Variants in VPS35L observed in about 807,000 individuals in gnomAD.
VPS35L encodes VPS35 endosomal protein-sorting factor-like.
In VPS35L, 83 loss-of-function variants were observed where a neutral mutation model predicts 133.0. The ratio of observed to expected loss-of-function variants is 0.62; its 90% CI spans 0.52 to 0.75. The LOEUF is 0.75. Among genes scored for constraint, VPS35L ranks in the 30% least tolerant of loss-of-function variants. VPS35L has a pLI of 0.00. For synonymous variants in VPS35L, 423 were observed against 449.9 expected, an observed-to-expected ratio of 0.94 and a Z score of 0.76; for missense variants, 1,083 against 1,206.8, an observed-to-expected ratio of 0.90 and a Z score of 1.52.
At chr16:19,600,731 A>C (rs1341947916) in intron 8 of VPS35L, among the ~76,000 whole-genome samples, 2 of 152,202 alleles carry the variant, frequency 1.3e-5, no homozygotes, top group African/African-American at 4.8e-5. Flanking sequence ...CACATAAAAG[A>C]GTGAAAAGCA....
intron 3 of VPS35L, among the ~76,000 whole-genome samples, chr16:19,570,135 A>G (rs1053123576): frequency 2.0e-5 from 3 of 151,794 alleles, no homozygotes; most frequent in South Asian, 2.1e-4. Context: ...CAGTGGTGCA[A>G]TCTCACTGCA....
chr16:19,576,181 CA>C (rs375230062), intron 5 of VPS35L, among the ~76,000 whole-genome samples: 570 of 130,594 alleles, frequency 4.4e-3, no homozygotes, highest in Non-Finnish European at 6.8e-3. Context: ...AAAAAAAAAA[CA>C]AAAAAAAAAA....
At chr16:19,638,389 C>G (rs1158420835) in intron 20 of VPS35L, among the ~76,000 whole-genome samples, 1 of 152,192 alleles carries the variant, frequency 6.6e-6, no homozygotes, top group Non-Finnish European at 1.5e-5. Context: ...GTATTGCCTT[C>G]TTATCCAGGA....
chr16:19,614,514 G>A (rs1972824487), intron 12 of VPS35L, among the ~76,000 whole-genome samples: 1 of 152,168 alleles, frequency 6.6e-6, no homozygotes, highest in Non-Finnish European at 1.5e-5. Context: ...GGGTTCAAGC[G>A]ATCCTCCCAC....
At chr16:19,696,651 C>T (rs760280314) in intron 29 of VPS35L, among the ~76,000 whole-genome samples, 2 of 151,950 alleles carry the variant, frequency 1.3e-5, no homozygotes, top group South Asian at 2.1e-4. Context: ...GTATTTTTCT[C>T]GGTGTTTGAA....
At chr16:19,570,190 A>G (rs8046586) in intron 3 of VPS35L, among the ~76,000 whole-genome samples, 43,298 of 151,878 alleles carry the variant, frequency 0.29, 7,703 homozygotes, top group African/African-American at 0.51. Flanking sequence ...TCAGCCTGCC[A>G]AATTGCTGGG....
At chr16:19,606,416 C>T (rs945167890) in intron 9 of VPS35L, among the ~76,000 whole-genome samples, 1 of 152,208 alleles carries the variant, frequency 6.6e-6, no homozygotes, top group Non-Finnish European at 1.5e-5. Flanking sequence ...AAAGTTACTT[C>T]ATGTGTAGAG....
At chr16:19,677,184 G>A (rs1198196873) in intron 27 of VPS35L, among the ~76,000 whole-genome samples, 1 of 151,126 alleles carries the variant, frequency 6.6e-6, no homozygotes, top group Non-Finnish European at 1.5e-5. Context: ...TCTTGCCTCC[G>A]CCTCCCGAGC....
Position 19,616,697 on chromosome 16 carries a change from T to G in VPS35L, c.1113T>G (p.Asp371Glu). 6.2e-7 allele frequency: 1 copy of G among 1,614,000 alleles called. No homozygotes were observed. Among genetic ancestry groups the G allele is most frequent in the Non-Finnish European group, 8.5e-7 (1 of 1,179,946 alleles). ...FLLTFKQIHGDTVQNQLVVQG... is the reference protein window; with the variant it reads ...FLLTFKQIHGETVQNQLVVQG... The stretch of plus-strand genomic sequence containing the variant: ...TTGGCCTCCTGTAGATTCATGGGGA[T>G]ACGGTCCAGAACCAGCTGGTGGTCC... The change falls in exon 14 of 31, where the codon GAT becomes GAG. Residue 371 changes from aspartate to glutamate, a missense_variant. Transcript: ENST00000417362.
At chr16:19,663,831 AC>A (rs1263336720) in intron 26 of VPS35L, among the ~76,000 whole-genome samples, 1 of 151,952 alleles carries the variant, frequency 6.6e-6, no homozygotes, top group Non-Finnish European at 1.5e-5. Flanking sequence ...ATCAAAACAT[AC>A]AGTTTACCTA....
At position 19,699,621 on chromosome 16, in the gene VPS35L, G is replaced by T; in HGVS notation, c.2766G>T (p.Arg922Ser). 2 of 1,613,898 alleles carry T rather than the reference G, an allele frequency of 1.2e-6. No individual in the cohort carries two copies. Among genetic ancestry groups the T allele is most frequent in the Non-Finnish European group, 1.7e-6 (2 of 1,180,016 alleles). Residue 922 changes from arginine to serine, a missense_variant, in exon 30 of 31, where the codon AGG becomes AGT. Arg to Ser is a moderately radical substitution (Grantham distance 110). Transcript: ENST00000417362. The surrounding 1 kb of genome is among the most constrained non-coding windows in gnomAD (Gnocchi z 4.2). ...TCAACCTGTGGCACCTGGCACAGAG[G>T]CACGGCTGTGCAGACACCAGGACCA... ...LSVNLWHLAQ[R>S]HGCADTRTMV...
intron 29 of VPS35L, 76 bp downstream of exon 29, chr16:19,691,547 C>A: frequency 8.5e-7 from 1 of 1,178,066 alleles, no homozygotes; most frequent in Non-Finnish European, 1.3e-6. Flanking sequence ...AACCTTGGTT[C>A]ATTCTAGAAA....
chr16:19,610,490 T>G, intron 12 of VPS35L, 75 bp downstream of exon 12: 66 of 1,041,616 alleles, frequency 6.3e-5, no homozygotes, highest in Non-Finnish European at 8.5e-5. Flanking sequence ...AGGGCCCTCC[T>G]TCCCCACCAC....
intron 26 of VPS35L, among the ~76,000 whole-genome samples, chr16:19,655,384 A>G (rs1447745206): frequency 2.6e-5 from 4 of 152,258 alleles, no homozygotes; most frequent in Non-Finnish European, 5.9e-5. Context: ...GAGAAGGCTA[A>G]ATATAAATTA....
intron 8 of VPS35L, among the ~76,000 whole-genome samples, chr16:19,600,953 A>T (rs949905381): frequency 2.0e-5 from 3 of 152,186 alleles, no homozygotes; most frequent in African/African-American, 7.2e-5. Context: ...TGTTTGAGAC[A>T]GGGTCTTGCT....
intron 12 of VPS35L, among the ~76,000 whole-genome samples, chr16:19,612,095 C>T (rs1024586920): frequency 5.3e-5 from 8 of 151,260 alleles, no homozygotes; most frequent in Non-Finnish European, 1.0e-4. Flanking sequence ...TGCGCTACCA[C>T]GCCCAGCTAA....
At chr16:19,607,338 A>C (rs907986408) in intron 9 of VPS35L, among the ~76,000 whole-genome samples, 2 of 152,152 alleles carry the variant, frequency 1.3e-5, no homozygotes, top group South Asian at 2.1e-4. Flanking sequence ...TCATGTCTGC[A>C]TTCCAGTCAG....
intron 1 of VPS35L, among the ~76,000 whole-genome samples, chr16:19,561,069 T>TA (rs929578832): frequency 1.7e-4 from 26 of 151,432 alleles, no homozygotes; most frequent in Middle Eastern, 3.2e-3. Context: ...GATTTTCCCT[T>TA]AAAAAAAATA....
Position 19,569,505 on chromosome 16 carries a change from G to A in VPS35L, c.199G>A (p.Asp67Asn). The change falls in exon 3 of 31, where the codon GAC (aspartate) becomes AAC (asparagine). Residue 67 changes from aspartate (D) to asparagine (N), a missense_variant. Coordinates refer to ENST00000417362, the MANE Select transcript of VPS35L (RefSeq NM_020314.7). ...TSSSSSSSVVDPLSSVLDGTD... is the reference protein window; with the variant it reads ...TSSSSSSSVVNPLSSVLDGTD... Reference sequence around the variant, plus strand: ...CTCCTCCTCCTCCAGCTCCGTGGTGGACCCGCTGAGCAGCGTCCTCGATGG... The same window carrying A: ...CTCCTCCTCCTCCAGCTCCGTGGTGAACCCGCTGAGCAGCGTCCTCGATGG... The A allele has an allele frequency of 3.7e-6, 6 of 1,610,850 alleles. No homozygotes were observed. Among genetic ancestry groups the A allele is most frequent in the Non-Finnish European group, 5.1e-6 (6 of 1,178,594 alleles).
Sources: allele counts gnomAD v4.1 joint callset (sites outside exome capture counted in the v4.1 genomes callset), GRCh38; gene constraint gnomAD v4.1.1; non-coding constraint Gnocchi (gnomAD v3.1); transcripts MANE v1.5; gene names NCBI Gene and HGNC (gene_info 2026-07-23, HGNC 2026-07-21).